Variants in BIN3 observed in about 807,000 individuals in gnomAD.
The protein encoded by BIN3 is bridging integrator 3.
A neutral mutation model predicts 38.2 loss-of-function variants in BIN3; 41 were observed. That is an observed-to-expected ratio of 1.07 (90% CI 0.84 to 1.39). The LOEUF (loss-of-function observed/expected upper bound fraction) is 1.39, where lower values mean the gene tolerates loss of function less well. BIN3 is among the 40% of genes most tolerant of loss of function. The pLI, the probability that BIN3 is intolerant of heterozygous loss-of-function variation, is 0.00. For synonymous variants in BIN3, 145 were observed against 122.6 expected (o/e 1.18, Z -1.21); for missense variants, 361 against 324.3 (o/e 1.11, Z -0.87).
At chr8:22,644,897 G>A in intron 1 of BIN3, 94 bp from the exon 2 acceptor site, 1 of 1,143,166 alleles carries the variant, frequency 8.7e-7, no homozygotes, top group Non-Finnish European at 1.3e-6. Flanking sequence ...TCCCCCAGGA[G>A]GGCGAGGAAG....
rs1247366842 is a variant in BIN3 at position 22,636,508 on chromosome 8, G to A, written c.160+17C>T. On this transcript the variant is annotated intron_variant, in intron 4 of 8. Coordinates refer to ENST00000276416, the MANE Select transcript of BIN3 (RefSeq NM_018688.6). ...CCCACCTGCTCAAGCGAGTGGTGCG[G>A]GTGGAAAGTCACCTACCCAGGTCTG... 1.3e-6 allele frequency: 2 copies of A among 1,551,550 alleles called. No homozygotes were observed. Among genetic ancestry groups the A allele is most frequent in the Non-Finnish European group, 1.7e-6 (2 of 1,147,088 alleles).
At chr8:22,650,102 C>T (rs1377014934) in intron 1 of BIN3, among the ~76,000 whole-genome samples, 1 of 152,096 alleles carries the variant, frequency 6.6e-6, no homozygotes, top group Non-Finnish European at 1.5e-5. Context: ...TCATCACTTA[C>T]TGCTGGTCAT....
chr8:22,665,878 A>G (rs1377900125), intron 1 of BIN3, among the ~76,000 whole-genome samples: 1 of 152,194 alleles, frequency 6.6e-6, no homozygotes, highest in Non-Finnish European at 1.5e-5. Flanking sequence ...AGTCAGAAAA[A>G]TATCACTCCA....
rs1380730226 is a variant in BIN3 at position 22,620,702 on chromosome 8, A to AATACT, written c.*715_*719dup. On this transcript the variant is annotated 3_prime_UTR_variant, in exon 9 of 9. Transcript: ENST00000276416. ...CCTCTGCTCGCCTAAGTTACAGCAC[A>AATACT]ATACTATGTGGACGTTTCATTGAAA... 6.6e-6 allele frequency: 1 copy of AATACT among 152,148 alleles called. No homozygotes were observed. Among genetic ancestry groups the AATACT allele is most frequent in the Non-Finnish European group, 1.5e-5 (1 of 68,034 alleles). The allele number at this position is 152,148 out of a possible 1,614,324, so 9.4% of individuals were successfully genotyped here.
chr8:22,630,311 A>C, intron 5 of BIN3, 131 bp downstream of exon 5: 3 of 1,323,072 alleles, frequency 2.3e-6, no homozygotes, highest in South Asian at 1.4e-5. Context: ...AGCACCTTGC[A>C]GCACACGAGG....
intron 1 of BIN3, among the ~76,000 whole-genome samples, chr8:22,665,805 A>G (rs933339102): frequency 6.6e-6 from 1 of 152,188 alleles, no homozygotes. Context: ...AAAGAAACAA[A>G]AAGGATCAAA....
chr8:22,656,208 C>T (rs1803051633), intron 1 of BIN3, among the ~76,000 whole-genome samples: 1 of 143,340 alleles, frequency 7.0e-6, no homozygotes, highest in East Asian at 2.0e-4. Flanking sequence ...CTTTTTATCT[C>T]CCTTGGTCTT....
Position 22,621,530 on chromosome 8 carries a change from G to A in BIN3, c.654C>T (p.Asp218=), listed in dbSNP as rs771085784. 6.8e-6 allele frequency: 11 copies of A among 1,613,756 alleles called. No homozygotes were observed. The highest frequency in any genetic ancestry group is 1.6e-4 in the Middle Eastern group (1 of 6,084). ...YYSEMHKIFG[D]LSHQLDQPGH... ...CTGGCTGGTCAAGCTGATGGGACAG[G>A]TCTCCAAAGATCTTGTGCATTTCCG... The change falls in exon 9 of 9, where the codon GAC becomes GAT. Residue 218 remains aspartate (D), a synonymous_variant. Transcript: ENST00000276416.
At chr8:22,636,823 G>C in intron 3 of BIN3, 99 bp downstream of exon 3, 10 of 1,346,892 alleles carry the variant, frequency 7.4e-6, no homozygotes, top group Non-Finnish European at 1.1e-5. Context: ...AGCTTCCAGG[G>C]TGCTCACGGG....
At chr8:22,623,748 C>T (rs148571356) in intron 8 of BIN3, among the ~76,000 whole-genome samples, 167 bp downstream of exon 8, 54 of 152,302 alleles carry the variant, frequency 3.5e-4, no homozygotes, top group African/African-American at 1.3e-3. Flanking sequence ...TCCCCCAAGT[C>T]GCTGAGCCTG....
intron 8 of BIN3, among the ~76,000 whole-genome samples, chr8:22,623,145 G>A (rs910807738): frequency 5.3e-5 from 8 of 152,358 alleles, no homozygotes; most frequent in Admixed American, 3.3e-4. Flanking sequence ...GGGTACTAAG[G>A]CTGTTGCTGA....
chr8:22,624,002 G>T lies in BIN3; in HGVS notation c.528C>A (p.Asn176Lys). 1.2e-6 allele frequency: 2 copies of T among 1,612,526 alleles called. No homozygotes were observed. The highest frequency in any genetic ancestry group is 1.7e-6 in the Non-Finnish European group (2 of 1,179,524). Reference sequence around the variant, plus strand: ...GCGGCATCTCCTCCAGCAGCTGCCTGTTCTTGGCTTCAAAGTCCTCCCGCA... The same window carrying T: ...GCGGCATCTCCTCCAGCAGCTGCCTTTTCTTGGCTTCAAAGTCCTCCCGCA... ...RPVREDFEAKNRQLLEEMPRF... is the reference protein window; with the variant it reads ...RPVREDFEAKKRQLLEEMPRF... The change falls in exon 8 of 9, where the codon AAC (asparagine) becomes AAA (lysine). Residue 176 changes from asparagine (N) to lysine (K), a missense_variant. Transcript: ENST00000276416.
At chr8:22,627,118 C>T (rs961684642) in intron 6 of BIN3, among the ~76,000 whole-genome samples, 1 of 152,228 alleles carries the variant, frequency 6.6e-6, no homozygotes, top group Admixed American at 6.5e-5. Context: ...GACAGCACCC[C>T]TTAGCCACCA....
rs1288282950 is a variant in BIN3 at position 22,640,897 on chromosome 8, T to C, written c.57+3858A>G. Among the ~76,000 whole-genome samples, 5 of 152,114 alleles carry C rather than the reference T, an allele frequency of 3.3e-5. No homozygotes were observed. The East Asian group carries it at 9.6e-4, about 29-fold the overall frequency. ...TCAGGGGTGGGAGCGCGTTTTCTAC[T>C]TGGTGCCGCTCAAGGCCATCTGACA... is the stretch of plus-strand genomic sequence containing the variant. On this transcript the variant is annotated intron_variant, in intron 2 of 8. Transcript: ENST00000276416.
intron 6 of BIN3, among the ~76,000 whole-genome samples, chr8:22,628,726 C>T (rs981726702): frequency 2.0e-5 from 3 of 152,162 alleles, no homozygotes; most frequent in Admixed American, 2.0e-4. Flanking sequence ...CTGTGGCAGC[C>T]TCTGTGTCCG....
intron 1 of BIN3, among the ~76,000 whole-genome samples, chr8:22,653,577 G>T (rs1034723784): frequency 6.6e-6 from 1 of 152,048 alleles, no homozygotes; most frequent in Non-Finnish European, 1.5e-5. Context: ...TCTTTACAAC[G>T]TACAGTTAAA....
Position 22,644,865 on chromosome 8 carries a change from A to G in BIN3, c.9-62T>C, listed in dbSNP as rs371956057. 1.2e-5 allele frequency: 18 copies of G among 1,466,478 alleles called. No homozygotes were observed. In the African/African-American group the frequency reaches 1.5e-4, roughly 12 times the overall value. The allele number at this position is 1,466,478 out of a possible 1,614,324, so 90.8% of individuals were successfully genotyped here. On this transcript the variant is annotated intron_variant, in intron 1 of 8. Coordinates refer to ENST00000276416, the MANE Select transcript of BIN3 (RefSeq NM_018688.6). ...AGTGGGGAAGGATGCAGCTCAAAGT[A>G]TCAGTACAGTACAGGCCACTTTCCC... is the stretch of plus-strand genomic sequence containing the variant.
At chr8:22,652,658 G>C (rs549187752) in intron 1 of BIN3, among the ~76,000 whole-genome samples, 2 of 152,292 alleles carry the variant, frequency 1.3e-5, no homozygotes, top group South Asian at 4.1e-4. Flanking sequence ...ATACAATTTT[G>C]TATGCCCCAT....
At chr8:22,648,113 C>T (rs371795794) in intron 1 of BIN3, among the ~76,000 whole-genome samples, 13 of 131,738 alleles carry the variant, frequency 9.9e-5, no homozygotes, top group African/African-American at 1.4e-4. Context: ...CCAGCCTGCG[C>T]GACAGAGTGA....
Sources: gnomAD v4.1 joint callset for allele counts (sites outside exome capture counted in the v4.1 genomes callset) on GRCh38, gnomAD v4.1.1 for gene constraint, MANE v1.5 for transcripts, NCBI Gene and HGNC (gene_info 2026-07-23, HGNC 2026-07-21) for gene names.